The following GMNC variants were observed in gnomAD, a reference collection of about 807,000 sequenced individuals.
GMNC encodes geminin coiled-coil domain-containing protein 1.
Under a neutral mutation model 33.6 loss-of-function variants are expected in GMNC, and 16 were observed. That is an observed-to-expected ratio of 0.48 (90% CI 0.32 to 0.72). The LOEUF (loss-of-function observed/expected upper bound fraction) is 0.72, where lower values mean the gene tolerates loss of function less well. GMNC is among the 30% of genes least tolerant of loss of function. The pLI is 0.03. For missense variants in GMNC, 393 were observed against 388.9 expected (o/e 1.01, Z -0.09); for synonymous variants, 156 against 147.3 (o/e 1.06, Z -0.43).
rs1032901606 is a variant in GMNC, at chr3:190,860,847, C to A, written c.15G>T (p.Leu5=). 9 of 1,546,194 alleles carry A rather than the reference C, an allele frequency of 5.8e-6. No individual in the cohort carries two copies. Among genetic ancestry groups the A allele is most frequent in the Non-Finnish European group, 7.0e-6 (8 of 1,144,328 alleles). The part of the protein sequence containing the change: MNTI[L]PCQDQYFVGG... ...CTACAAAGTACTGGTCTTGGCAAGG[C>A]AGAATGGTGTTCTGTGAAATTCAGT... The change falls in exon 2 of 5, where the codon CTG becomes CTT. Residue 5 remains leucine, a synonymous_variant. Transcript: ENST00000442080.
chr3:190,855,242 G>C lies in GMNC; in HGVS notation c.*53C>G, dbSNP rs1737704678. The C allele has an allele frequency of 6.6e-7, 1 of 1,512,294 alleles. No individual in the cohort carries two copies. 93.7% of individuals were successfully genotyped at this position (1,512,294 alleles called of 1,614,324 possible). A position where few individuals can be genotyped will look rare whatever the true frequency, so the allele number is the denominator to read the frequency against. On this transcript the variant is annotated 3_prime_UTR_variant, in exon 5 of 5. Coordinates refer to ENST00000442080, the MANE Select transcript of GMNC (RefSeq NM_001146686.3). ...CACATAGTCAAATTCAAGTGCAAGA[G>C]AGGTCTTTGTAAACAGAGTTCGTGG... is the stretch of plus-strand genomic sequence containing the variant.
chr3:190,849,703 C>A (rs1737604577), downstream of GMNC, among the ~76,000 whole-genome samples: 1 of 152,152 alleles, frequency 6.6e-6, no homozygotes, highest in African/African-American at 2.4e-5. Flanking sequence ...TAAGAAGCAA[C>A]AACAAAAACA....
chr3:190,860,747 C>G lies in GMNC; in HGVS notation c.115G>C (p.Val39Leu). The G allele has an allele frequency of 6.4e-7, 1 of 1,551,538 alleles. No individual in the cohort carries two copies. The highest frequency in any genetic ancestry group is 8.7e-7 in the Non-Finnish European group (1 of 1,146,992). Reference sequence around the variant, plus strand: ...AGGAGACCAGCAGCCCAGAAAGAGACCCAAGTCTCCGTGGAAACGTCAACA... The same window carrying G: ...AGGAGACCAGCAGCCCAGAAAGAGAGCCAAGTCTCCGTGGAAACGTCAACA... ...SSVDVSTETW[V>L]SFWAAGLLDN... Residue 39 changes from valine (V) to leucine (L), a missense_variant, in exon 2 of 5, where the codon GTC becomes CTC. By Grantham distance (32) the Val-to-Leu change is conservative. Coordinates refer to ENST00000442080, the MANE Select transcript of GMNC (RefSeq NM_001146686.3).
downstream of GMNC, among the ~76,000 whole-genome samples, chr3:190,849,080 G>A (rs1000725753): frequency 6.6e-6 from 1 of 152,152 alleles, no homozygotes; most frequent in Non-Finnish European, 1.5e-5. Context: ...TCGTTAACAG[G>A]ATGGCTCCCA....
At chr3:190,856,483 A>G (rs1302502612) in intron 4 of GMNC, among the ~76,000 whole-genome samples, 1 of 137,736 alleles carries the variant, frequency 7.3e-6, no homozygotes, top group Non-Finnish European at 1.5e-5. Flanking sequence ...AAATAAATAT[A>G]AATATATTTA....
rs919404904 is a variant in GMNC, at chr3:190,862,249, C to T, written c.3+364G>A. On this transcript the variant is annotated intron_variant, in intron 1 of 4. Transcript: ENST00000442080. This position sits in a 1 kb window ranked among gnomAD's most constrained non-coding sequence, Gnocchi z 4.5. ...AACTTCAAATATCCCTAGACAAGTT[C>T]ATGTCCAAGTGTTTGCAAATATATG... Among the ~76,000 whole-genome samples, 3 of 151,900 alleles carry T rather than the reference C, an allele frequency of 2.0e-5. No homozygotes were observed. The highest frequency in any genetic ancestry group is 2.9e-5 in the Non-Finnish European group (2 of 67,968).
Position 190,860,800 on chromosome 3 carries a change from G to A in GMNC, c.62C>T (p.Pro21Leu), listed in dbSNP as rs201469606. 304 of 1,551,262 alleles carry A rather than the reference G, an allele frequency of 2.0e-4. 2 individuals are homozygous for A. Among genetic ancestry groups the A allele is most frequent in the South Asian group, 7.1e-5 (6 of 84,034 alleles). ...AGATTCTGACGTTGTAGTGGAATAC[G>A]GGCAATTATAGCTCTGGCCTCCTAC... ...YFVGGQSYNC[P>L]YSTTTSESSV... The change falls in exon 2 of 5, where the codon CCG (proline) becomes CTG (leucine). Residue 21 changes from proline (P) to leucine (L), a missense_variant. Coordinates refer to ENST00000442080, the MANE Select transcript of GMNC (RefSeq NM_001146686.3).
downstream of GMNC, among the ~76,000 whole-genome samples, chr3:190,851,442 T>G (rs1737632835): frequency 6.6e-6 from 1 of 152,228 alleles, no homozygotes; most frequent in South Asian, 2.1e-4. Context: ...TGACATTTTT[T>G]GAGCACATAG....
chr3:190,854,258 C>T lies in GMNC; in HGVS notation c.*1037G>A, dbSNP rs113269713. 9 of 152,202 alleles carry T rather than the reference C, an allele frequency of 5.9e-5. No homozygotes were observed. The highest frequency in any genetic ancestry group is 2.1e-4 in the South Asian group (1 of 4,822). 9.4% of individuals were successfully genotyped at this position (152,202 alleles called of 1,614,324 possible). On this transcript the variant is annotated 3_prime_UTR_variant, in exon 5 of 5. Coordinates refer to ENST00000442080, the MANE Select transcript of GMNC (RefSeq NM_001146686.3). ...ACCTTCACAAAAGGGAAGTCGTTTT[C>T]GCAAAGTCATAGCAGATGAGTAGGT... is the stretch of plus-strand genomic sequence containing the variant.
intron 2 of GMNC, 138 bp downstream of exon 2, chr3:190,860,546 T>G: frequency 1.5e-6 from 1 of 689,392 alleles, no homozygotes; most frequent in Non-Finnish European, 2.4e-6. Context: ...TTTATGACTG[T>G]AAAAATCAGG....
chr3:190,848,047 G>C (rs6790983), downstream of GMNC, among the ~76,000 whole-genome samples: 30,219 of 151,998 alleles, frequency 0.2, 4,600 homozygotes, highest in African/African-American at 0.43. Flanking sequence ...AAATTGAAAA[G>C]CTTTAAAAAG....
the GMNC span, among the ~76,000 whole-genome samples, chr3:190,844,109 C>T: frequency 0.011 from 1,616 of 152,090 alleles, 29 homozygotes; most frequent in African/African-American, 0.038. Context: ...AGTCATATAA[C>T]GTTTTTTCTC....
In GMNC at chr3:190,861,126, G is replaced by C. The variant is rs1737856229; in HGVS notation, c.4-268C>G. On this transcript the variant is annotated intron_variant, in intron 1 of 4. Transcript: ENST00000442080. This position sits in a 1 kb window ranked among gnomAD's most constrained non-coding sequence, Gnocchi z 5.1. Reference sequence around the variant, plus strand: ...GACTAGCATTGAATGGGTGAAATTTGTACATATCCAGGAGGATTGTCTGTT... The same window carrying C: ...GACTAGCATTGAATGGGTGAAATTTCTACATATCCAGGAGGATTGTCTGTT... Among the ~76,000 whole-genome samples the C allele has an allele frequency of 6.6e-6, 1 of 152,118 alleles. No individual in the cohort carries two copies. Among genetic ancestry groups the C allele is most frequent in the African/African-American group, 2.4e-5 (1 of 41,398 alleles).
Position 190,862,166 on chromosome 3 carries a change from T to C in GMNC, c.3+447A>G, listed in dbSNP as rs576217092. On this transcript the variant is annotated intron_variant, in intron 1 of 4. Transcript: ENST00000442080. The surrounding 1 kb of genome is among the most constrained non-coding windows in gnomAD (Gnocchi z 4.5). The stretch of plus-strand genomic sequence containing the variant: ...TTTCCCTGAGGTTTTTTATTTTTTA[T>C]TTTATTTTTTGGAATCAGAGCTAAG... 1.3e-5 allele frequency among the ~76,000 whole-genome samples: 2 copies of C among 152,288 alleles called. No individual in the cohort carries two copies. The highest frequency in any genetic ancestry group is 4.1e-4 in the South Asian group (2 of 4,828).
At position 190,855,192 on chromosome 3, in the gene GMNC, A is replaced by G. The variant is rs1737703858; in HGVS notation, c.*103T>C. The G allele has an allele frequency of 3.5e-6, 4 of 1,146,796 alleles. No individual in the cohort carries two copies. The highest frequency in any genetic ancestry group is 3.2e-5 in the South Asian group (2 of 62,266). The allele number at this position is 1,146,796 out of a possible 1,614,324, so 71.0% of individuals were successfully genotyped here. On this transcript the variant is annotated 3_prime_UTR_variant, in exon 5 of 5. Transcript: ENST00000442080. ...AGTGACATTTAAAGTGGCAGGAGAC[A>G]GTCTAAGCAACAGCTTCTGTGTTCC...
the GMNC span, among the ~76,000 whole-genome samples, chr3:190,845,984 T>C: frequency 6.6e-6 from 1 of 151,964 alleles, no homozygotes; most frequent in Non-Finnish European, 1.5e-5. Context: ...TCCCAGCACT[T>C]TGGGAGGTGA....
chr3:190,856,578 T>C (rs1737752577), intron 4 of GMNC, among the ~76,000 whole-genome samples: 1 of 149,970 alleles, frequency 6.7e-6, no homozygotes, highest in East Asian at 1.9e-4. Context: ...TGATTACATG[T>C]ATTATCTCAT....
At chr3:190,851,687 T>C (rs985487979), downstream of GMNC, among the ~76,000 whole-genome samples, 1 of 152,152 alleles carries the variant, frequency 6.6e-6, no homozygotes, top group Non-Finnish European at 1.5e-5. Flanking sequence ...ATTTGAAAAT[T>C]GACATGCTTT....
Position 190,855,659 on chromosome 3 carries a change from G to A in GMNC, c.641C>T (p.Ser214Phe). The part of the protein sequence containing the change: ...TSSANYSALA[S>F]HPRRVASTFS... Reference sequence around the variant, plus strand: ...TGTGCTGGCGACTCTTCTGGGATGAGATGCGAGGGCACTGTAGTTAGCTGA... The same window carrying A: ...TGTGCTGGCGACTCTTCTGGGATGAAATGCGAGGGCACTGTAGTTAGCTGA... Residue 214 changes from serine (S) to phenylalanine (F), a missense_variant, in exon 5 of 5, where the codon TCT becomes TTT. Ser to Phe is a radical substitution (Grantham distance 155). Transcript: ENST00000442080. 6.4e-7 allele frequency: 1 copy of A among 1,551,608 alleles called. No individual in the cohort carries two copies. Among genetic ancestry groups the A allele is most frequent in the South Asian group, 1.2e-5 (1 of 84,064 alleles).
Sources: allele counts gnomAD v4.1 joint callset (sites outside exome capture counted in the v4.1 genomes callset), GRCh38; gene constraint gnomAD v4.1.1; non-coding constraint Gnocchi (gnomAD v3.1); transcripts MANE v1.5; gene names NCBI Gene and HGNC (gene_info 2026-07-23, HGNC 2026-07-21).